KANSL2: variants seen among roughly 807,000 people sequenced by gnomAD.
KANSL2 encodes NSL complex protein NSL2.
In KANSL2, 34 loss-of-function variants were observed where a neutral mutation model predicts 55.6. That is an observed-to-expected ratio of 0.61 (90% CI 0.46 to 0.81). The LOEUF is 0.81. Among genes scored for constraint, KANSL2 ranks in the 40% least tolerant of loss-of-function variants. The pLI is 0.00. For synonymous variants in KANSL2, 209 were observed against 214.3 expected (o/e 0.98, Z 0.22); for missense variants, 502 against 609.9 (o/e 0.82, Z 1.86).
intron 7 of KANSL2, chr12:48,662,724 G>GA: frequency 9.2e-7 from 1 of 1,091,662 alleles, no homozygotes; most frequent in Non-Finnish European, 1.2e-6. Context: ...GAGCATAAAA[G>GA]GAAAAAAAAT....
rs1172876689 is a variant in KANSL2, at chr12:48,672,376, CGTATATATATATACAT to C, written c.546-430_546-415del. ...ATATACATATATACATGTATATATA[CGTATATATATATACAT>C]GTATATATATATATACGTATATATA... On this transcript the variant is annotated intron_variant, in intron 4 of 9. Transcript: ENST00000420613. 3.1e-5 allele frequency among the ~76,000 whole-genome samples: 4 copies of C among 127,900 alleles called. No homozygotes were observed. In the East Asian group the frequency reaches 9.1e-4, roughly 29 times the overall value. The allele number at this position is 127,900 out of a possible 152,430, so 83.9% of individuals were successfully genotyped here.
intron 7 of KANSL2, among the ~76,000 whole-genome samples, chr12:48,664,710 A>C (rs1939558931): frequency 6.7e-6 from 1 of 150,244 alleles, no homozygotes; most frequent in Non-Finnish European, 1.5e-5. Context: ...CCTCCCAAGT[A>C]GCAAGGATTA....
chr12:48,666,066 T>C (rs1356430192), intron 7 of KANSL2, among the ~76,000 whole-genome samples: 5 of 151,762 alleles, frequency 3.3e-5, no homozygotes, highest in Non-Finnish European at 7.4e-5. Flanking sequence ...TAAATAAAAT[T>C]AGCTGGACGT....
At chr12:48,674,123 A>C (rs1049554980) in intron 4 of KANSL2, among the ~76,000 whole-genome samples, 3 of 152,150 alleles carry the variant, frequency 2.0e-5, no homozygotes, top group Non-Finnish European at 4.4e-5. Context: ...ACTAATTTTA[A>C]GTCAAAAAAT....
Position 48,682,221 on chromosome 12 carries a change from CG to C in KANSL2, c.-45del, listed in dbSNP as rs1565611467. 1.6e-6 allele frequency: 1 copy of C among 643,590 alleles called. No homozygotes were observed. Among genetic ancestry groups the C allele is most frequent in the South Asian group, 1.7e-5 (1 of 58,756 alleles). The allele number at this position is 643,590 out of a possible 1,614,324, so 39.9% of individuals were successfully genotyped here. A position where few individuals can be genotyped will look rare whatever the true frequency, so the allele number is the denominator to read the frequency against. On this transcript the variant is annotated 5_prime_UTR_variant, in exon 1 of 10. Transcript: ENST00000420613. Reference sequence around the variant, plus strand: ...TGCGCTGCGCCGCACTCTGCCGCGCCGCTCGCCCTTCTCTAGTGGCGCCAGC... The same window carrying C: ...TGCGCTGCGCCGCACTCTGCCGCGCCCTCGCCCTTCTCTAGTGGCGCCAGC...
chr12:48,660,609 CTG>C lies in KANSL2; in HGVS notation c.982_983del (p.Gln328GlyfsTer14). On this transcript the variant is annotated frameshift_variant, in exon 8 of 10. Coordinates refer to ENST00000420613, the MANE Select transcript of KANSL2 (RefSeq NM_017822.4). LOFTEE classifies it high-confidence loss of function. ...MTRHCLTHIC[Q>X]DTNQVLFKCC... is the part of the protein sequence containing the mutation. ...ACTTGAAGAGAACCTGATTCGTATCCTGACAAATATCTGTAGAAAAATGGTCA... is the reference window on the plus strand; with the variant it reads ...ACTTGAAGAGAACCTGATTCGTATCCACAAATATCTGTAGAAAAATGGTCA... 1 of 1,611,934 alleles carries C rather than the reference CTG, an allele frequency of 6.2e-7. No individual in the cohort carries two copies.
rs71080136 is a variant in KANSL2 at position 48,672,434 on chromosome 12, T to TA, written c.546-473_546-472insT. On this transcript the variant is annotated intron_variant, in intron 4 of 9. Transcript: ENST00000420613. Reference sequence around the variant, plus strand: ...GTATATATATATATATATATATATATTTTTTTTTTGAGATAAGGTCTCACT... The same window carrying TA: ...GTATATATATATATATATATATATATATTTTTTTTTGAGATAAGGTCTCACT... 3.1e-3 allele frequency among the ~76,000 whole-genome samples: 306 copies of TA among 97,998 alleles called. 3 individuals are homozygous for TA. Among genetic ancestry groups the TA allele is most frequent in the East Asian group, 0.018 (55 of 3,106 alleles). The allele number at this position is 97,998 out of a possible 152,430, so 64.3% of individuals were successfully genotyped here.
At chr12:48,670,258 AAAC>A (rs1002471563) in intron 5 of KANSL2, among the ~76,000 whole-genome samples, 3 of 152,018 alleles carry the variant, frequency 2.0e-5, no homozygotes, top group Admixed American at 2.0e-4. Flanking sequence ...ACTCGATAAT[AAAC>A]AACTATGTTA....
At chr12:48,669,006 T>G in intron 6 of KANSL2, 100 bp downstream of exon 6, 1 of 898,342 alleles carries the variant, frequency 1.1e-6, no homozygotes, top group Non-Finnish European at 1.6e-6. Flanking sequence ...ATCGCACCAC[T>G]GCACTCCAGC....
intron 8 of KANSL2, among the ~76,000 whole-genome samples, chr12:48,658,150 G>C (rs1334222061): frequency 1.3e-5 from 2 of 152,164 alleles, no homozygotes; most frequent in East Asian, 2.0e-4. Context: ...AGAATCGCTT[G>C]AACCCAGGAG....
At chr12:48,659,689 T>G (rs1472905423) in intron 8 of KANSL2, among the ~76,000 whole-genome samples, 2 of 151,712 alleles carry the variant, frequency 1.3e-5, no homozygotes, top group East Asian at 3.9e-4. Context: ...CGACAGAAAC[T>G]CTGTCTCAAA....
chr12:48,660,542 G>T lies in KANSL2; in HGVS notation c.1051C>A (p.Pro351Thr). Residue 351 changes from proline (P) to threonine (T), a missense_variant, in exon 8 of 10, where the codon CCT becomes ACT. Coordinates refer to ENST00000420613, the MANE Select transcript of KANSL2 (RefSeq NM_017822.4). ...CAGGGATCCTCAGAGAGGCTTACAG[G>T]AACAGGTTTGTTGCAGGGTACCTCT... ...SEEVPCNKPV[P>T]VSLSEDPCCP... is the part of the protein sequence containing the mutation. 2 of 1,613,470 alleles carry T rather than the reference G, an allele frequency of 1.2e-6. No homozygotes were observed. Among genetic ancestry groups the T allele is most frequent in the Non-Finnish European group, 1.7e-6 (2 of 1,179,678 alleles).
chr12:48,656,568 G>A (rs996153075), intron 8 of KANSL2: 11 of 359,542 alleles, frequency 3.1e-5, no homozygotes, highest in Non-Finnish European at 3.8e-5. Context: ...CACCACGCCC[G>A]GCCAACTCCC....
intron 4 of KANSL2, among the ~76,000 whole-genome samples, chr12:48,678,358 T>C (rs915382682): frequency 6.6e-6 from 1 of 152,332 alleles, no homozygotes; most frequent in African/African-American, 2.4e-5. Flanking sequence ...TACTAAGATA[T>C]AAACCTGATT....
Position 48,682,187 on chromosome 12 carries a change from C to A in KANSL2, c.-10G>T. Reference sequence around the variant, plus strand: ...AGAGGAAAGAGCACCGCCATCTTACCTCAGGAGCTGCGCTGCGCCGCACTC... The same window carrying A: ...AGAGGAAAGAGCACCGCCATCTTACATCAGGAGCTGCGCTGCGCCGCACTC... On this transcript the variant is annotated splice_region_variant and 5_prime_UTR_variant, in exon 1 of 10. The change creates a new upstream start codon in the 5' untranslated region. Transcript: ENST00000420613. 2.9e-6 allele frequency: 2 copies of A among 689,098 alleles called. No homozygotes were observed. Among genetic ancestry groups the A allele is most frequent in the South Asian group, 1.5e-5 (1 of 66,408 alleles). The allele number at this position is 689,098 out of a possible 1,614,324, so 42.7% of individuals were successfully genotyped here.
chr12:48,681,651 C>T lies in KANSL2; in HGVS notation c.-9-10G>A, dbSNP rs1592111943. ...TGTTCATAACCAAAACCTGCGGGGT[C>T]AAACGAAAGACCAAAAAGCCCTTAC... On this transcript the variant is annotated splice_polypyrimidine_tract_variant and intron_variant, in intron 1 of 9. Transcript: ENST00000420613. 6.2e-7 allele frequency: 1 copy of T among 1,613,902 alleles called. No individual in the cohort carries two copies. The highest frequency in any genetic ancestry group is 1.1e-5 in the South Asian group (1 of 91,082).
In KANSL2 at chr12:48,682,180, A is replaced by G. The variant is rs758262400; in HGVS notation, c.-10+7T>C. The G allele has an allele frequency of 1.4e-6, 1 of 693,528 alleles. No homozygotes were observed. Among genetic ancestry groups the G allele is most frequent in the Non-Finnish European group, 2.6e-6 (1 of 379,796 alleles). 43.0% of individuals were successfully genotyped at this position (693,528 alleles called of 1,614,324 possible). A position where few individuals can be genotyped will look rare whatever the true frequency, so the allele number is the denominator to read the frequency against. On this transcript the variant is annotated splice_region_variant and intron_variant, in intron 1 of 9. Transcript: ENST00000420613. ...AGAGCTTAGAGGAAAGAGCACCGCCATCTTACCTCAGGAGCTGCGCTGCGC... is the reference window on the plus strand; with the variant it reads ...AGAGCTTAGAGGAAAGAGCACCGCCGTCTTACCTCAGGAGCTGCGCTGCGC...
chr12:48,673,893 G>A (rs980305595), intron 4 of KANSL2, among the ~76,000 whole-genome samples: 1 of 152,064 alleles, frequency 6.6e-6, no homozygotes, highest in Admixed American at 6.6e-5. Context: ...GGAGGCTGCA[G>A]TGAGCTGAGA....
rs1429694251 is a variant in KANSL2 at position 48,662,621 on chromosome 12, G to C, written c.974-2002C>G. On this transcript the variant is annotated intron_variant, in intron 7 of 9. Transcript: ENST00000420613. ...TGTCTCCATTAGACCACAGTAAAGA[G>C]TTAACAGGTCACCAATGGCAGTCGC... The C allele has an allele frequency of 7.0e-6, 9 of 1,287,876 alleles. No homozygotes were observed. In the Admixed American group the frequency reaches 1.2e-4, roughly 17 times the overall value. 79.8% of individuals were successfully genotyped at this position (1,287,876 alleles called of 1,614,324 possible).
Sources: gnomAD v4.1 joint callset for allele counts (sites outside exome capture counted in the v4.1 genomes callset) on GRCh38, gnomAD v4.1.1 for gene constraint, MANE v1.5 for transcripts, NCBI Gene and HGNC (gene_info 2026-07-23, HGNC 2026-07-21) for gene names.